FHIT: variants seen among roughly 807,000 people sequenced by gnomAD.
FHIT encodes fragile histidine triad diadenosine triphosphatase, also known as bis(5'-adenosyl)-triphosphatase.
FHIT carries 19 observed loss-of-function variants against 17.9 expected under a neutral mutation model. The observed-to-expected ratio is 1.06, with a 90% CI of 0.74 to 1.56. FHIT has a LOEUF of 1.56. Among genes scored for constraint, FHIT ranks in the 40% most tolerant of loss-of-function variants. The probability of loss-of-function intolerance (pLI) is 0.00; values close to 1 mark genes in which losing one functional copy is unlikely to be tolerated. For synonymous variants in FHIT, 81 were observed against 69.7 expected (o/e 1.16, Z -0.81); for missense variants, 248 against 189.2 (o/e 1.31, Z -1.82).
At chr3:60,381,658 G>C (rs1008600810) in intron 5 of FHIT, among the ~76,000 whole-genome samples, 10 of 152,176 alleles carry the variant, frequency 6.6e-5, no homozygotes, top group Non-Finnish European at 1.3e-4. Flanking sequence ...AGATGACTAT[G>C]TTTGATATTA....
At chr3:61,205,330 T>C (rs1339473839) in intron 1 of FHIT, among the ~76,000 whole-genome samples, 1 of 152,184 alleles carries the variant, frequency 6.6e-6, no homozygotes, top group African/African-American at 2.4e-5. Context: ...CCTTTTAGTA[T>C]ATACCCAGTA....
At chr3:60,360,505 G>A (rs1017455488) in intron 5 of FHIT, among the ~76,000 whole-genome samples, 13 of 152,028 alleles carry the variant, frequency 8.6e-5, no homozygotes, top group Non-Finnish European at 1.6e-4. Context: ...TGAGAGCCCT[G>A]GGTTTTAATT....
intron 3 of FHIT, among the ~76,000 whole-genome samples, chr3:60,925,356 G>C (rs1707533595): frequency 1.3e-5 from 2 of 152,206 alleles, no homozygotes; most frequent in African/African-American, 2.4e-5. Context: ...ACTAACAGCA[G>C]ATCTCTCAGC....
chr3:60,238,003 A>G (rs1280040213), intron 5 of FHIT, among the ~76,000 whole-genome samples: 1 of 152,014 alleles, frequency 6.6e-6, no homozygotes, highest in Non-Finnish European at 1.5e-5. Context: ...AAAATCAGCC[A>G]GGAATGGTGG....
chr3:60,020,448 A>C (rs1261479057), intron 5 of FHIT, among the ~76,000 whole-genome samples: 2 of 152,240 alleles, frequency 1.3e-5, no homozygotes, highest in African/African-American at 4.8e-5. Context: ...AGTCACCAAA[A>C]TAAAGCAAAT....
chr3:60,983,005 A>G (rs1710557895), intron 3 of FHIT, among the ~76,000 whole-genome samples: 4 of 151,964 alleles, frequency 2.6e-5, no homozygotes, highest in Admixed American at 2.6e-4. Flanking sequence ...ACCATGATTG[A>G]CTCAGTCTCC....
chr3:60,793,143 T>A (rs1700845937), intron 4 of FHIT, among the ~76,000 whole-genome samples: 1 of 152,214 alleles, frequency 6.6e-6, no homozygotes, highest in Non-Finnish European at 1.5e-5. Flanking sequence ...TGTCTCAGTA[T>A]CATTTGATTC....
chr3:60,147,338 AACT>A (rs898011575), intron 5 of FHIT, among the ~76,000 whole-genome samples: 8 of 152,310 alleles, frequency 5.3e-5, no homozygotes, highest in Non-Finnish European at 1.2e-4. Flanking sequence ...TCTTAATTCA[AACT>A]ACAAGTCTTA....
intron 2 of FHIT, among the ~76,000 whole-genome samples, chr3:61,164,590 G>A (rs2037782647): frequency 6.6e-6 from 1 of 152,132 alleles, no homozygotes; most frequent in South Asian, 2.1e-4. Context: ...GAAAAATGGG[G>A]ATAATAACAA....
chr3:60,070,459 T>A (rs1702717904), intron 5 of FHIT, among the ~76,000 whole-genome samples: 1 of 152,228 alleles, frequency 6.6e-6, no homozygotes, highest in Non-Finnish European at 1.5e-5. Flanking sequence ...TCATGCATCA[T>A]GACGATGATA....
At chr3:60,652,348 C>A (rs2040010340) in intron 4 of FHIT, among the ~76,000 whole-genome samples, 1 of 152,158 alleles carries the variant, frequency 6.6e-6, no homozygotes, top group Non-Finnish European at 1.5e-5. Flanking sequence ...CGTCTGTAAT[C>A]CCAGCACTTT....
intron 7 of FHIT, among the ~76,000 whole-genome samples, chr3:60,006,080 G>A (rs536417050): frequency 5.3e-5 from 8 of 152,258 alleles, no homozygotes; most frequent in African/African-American, 1.7e-4. Context: ...CTGTCCTATG[G>A]CTACCTTCTT....
intron 4 of FHIT, among the ~76,000 whole-genome samples, chr3:60,668,371 GAAAAAAAAA>G (rs60941309): frequency 2.5e-4 from 17 of 68,012 alleles, no homozygotes; most frequent in Admixed American, 2.2e-3. Flanking sequence ...GCTCAATCAG[GAAAAAAAAA>G]AAAAAAAAAA....
chr3:60,334,472 G>A (rs760709294), intron 5 of FHIT, among the ~76,000 whole-genome samples: 4 of 152,270 alleles, frequency 2.6e-5, no homozygotes, highest in African/African-American at 7.2e-5. Context: ...GCAGTACTTG[G>A]GTTGAGTGTC....
rs553555733 is a variant in FHIT at position 60,529,382 on chromosome 3, T to C, written c.103+7478A>G. ...AAAAAATCCACGTATATGTACTCAG[T>C]AGATTTTAACAGTTTTGATATGTGC... On this transcript the variant is annotated intron_variant, in intron 5 of 9. Coordinates refer to ENST00000492590, the MANE Select transcript of FHIT (RefSeq NM_002012.4). 7.0e-4 allele frequency among the ~76,000 whole-genome samples: 106 copies of C among 152,320 alleles called. 1 individual carries two copies. The highest frequency in any genetic ancestry group is 9.0e-4 in the Non-Finnish European group (61 of 68,024).
At chr3:59,999,679 G>A (rs775394095) in intron 7 of FHIT, among the ~76,000 whole-genome samples, 5 of 152,000 alleles carry the variant, frequency 3.3e-5, no homozygotes, top group Admixed American at 6.6e-5. Context: ...ATTTCAGCTC[G>A]CTGCACCCTC....
intron 5 of FHIT, among the ~76,000 whole-genome samples, chr3:60,432,371 TCTAGATAGCTACTA>T (rs1702943995): frequency 6.6e-6 from 1 of 152,186 alleles, no homozygotes; most frequent in Admixed American, 6.5e-5. Flanking sequence ...TTGGACCTAA[TCTAGATAGCTACTA>T]CAATTATTAA....
At chr3:60,544,466 A>G (rs1206518774) in intron 4 of FHIT, among the ~76,000 whole-genome samples, 1 of 152,096 alleles carries the variant, frequency 6.6e-6, no homozygotes, top group East Asian at 1.9e-4. Context: ...AAAAATAATA[A>G]TTCACTATTC....
rs115889011 is a variant in FHIT, at chr3:60,202,530, T to C, written c.104-188378A>G. Among the ~76,000 whole-genome samples the C allele has an allele frequency of 2.7e-3, 416 of 152,308 alleles. 2 individuals are homozygous for C. Among genetic ancestry groups the C allele is most frequent in the African/African-American group, 9.5e-3 (393 of 41,584 alleles). ...GTTCACAGTTGTACATGAGACATTA[T>C]TGGTAGAGTAGTTATGGTTGCCTGA... On this transcript the variant is annotated intron_variant, in intron 5 of 9. Coordinates refer to ENST00000492590, the MANE Select transcript of FHIT (RefSeq NM_002012.4).
Sources: gnomAD v4.1 joint callset for allele counts (sites outside exome capture counted in the v4.1 genomes callset) on GRCh38, gnomAD v4.1.1 for gene constraint, MANE v1.5 for transcripts, NCBI Gene and HGNC (gene_info 2026-07-23, HGNC 2026-07-21) for gene names.